The following KCNB2 variants were observed in gnomAD, a reference collection of about 807,000 sequenced individuals.
KCNB2 encodes the protein delayed rectifier potassium channel protein.
KCNB2 carries 15 observed loss-of-function variants against 61.5 expected under a neutral mutation model. The observed-to-expected ratio is 0.24, with a 90% CI of 0.16 to 0.38. The LOEUF (loss-of-function observed/expected upper bound fraction) is 0.38, where lower values mean the gene tolerates loss of function less well. KCNB2 is among the 10% of genes least tolerant of loss of function. KCNB2 has a pLI of 1.00. For missense variants in KCNB2, 828 were observed against 1,125.2 expected, an observed-to-expected ratio of 0.74 and a Z score of 3.78; for synonymous variants, 457 against 446.0, an observed-to-expected ratio of 1.02 and a Z score of -0.31.
intron 2 of KCNB2, among the ~76,000 whole-genome samples, chr8:72,730,120 G>A (rs1051368708): frequency 6.6e-6 from 1 of 152,036 alleles, no homozygotes; most frequent in Non-Finnish European, 1.5e-5. Context: ...CCCCAATTCT[G>A]TCTGCTCCTG....
At chr8:72,554,603 T>A (rs1806394961) in intron 1 of KCNB2, among the ~76,000 whole-genome samples, 3 of 152,154 alleles carry the variant, frequency 2.0e-5, no homozygotes, top group Admixed American at 2.0e-4. Context: ...CTTTAGCTAC[T>A]GGCCCTGATG....
At chr8:72,898,663 T>C (rs997957781) in intron 2 of KCNB2, among the ~76,000 whole-genome samples, 1 of 152,180 alleles carries the variant, frequency 6.6e-6, no homozygotes, top group African/African-American at 2.4e-5. Flanking sequence ...TTTTTATTTT[T>C]TAATTTCAAC....
rs140155601 is a variant in KCNB2, at chr8:72,908,031, A to G, written c.580-27904A>G. Among the ~76,000 whole-genome samples the G allele has an allele frequency of 6.6e-5, 10 of 152,242 alleles. No individual in the cohort carries two copies. The East Asian group carries it at 1.5e-3, about 24-fold the overall frequency. ...CCTGAAAATTTCAACCTTTTGAATCATATTGTATGCATAGTTTGGTTATTC... is the reference window on the plus strand; with the variant it reads ...CCTGAAAATTTCAACCTTTTGAATCGTATTGTATGCATAGTTTGGTTATTC... On this transcript the variant is annotated intron_variant, in intron 2 of 2. Coordinates refer to ENST00000523207, the MANE Select transcript of KCNB2 (RefSeq NM_004770.3).
At chr8:72,764,272 G>A (rs1204453684) in intron 2 of KCNB2, among the ~76,000 whole-genome samples, 1 of 152,204 alleles carries the variant, frequency 6.6e-6, no homozygotes, top group Non-Finnish European at 1.5e-5. Flanking sequence ...ATGGGAGAAT[G>A]TGCCACCTTT....
intron 2 of KCNB2, among the ~76,000 whole-genome samples, chr8:72,580,562 C>T (rs1468981195): frequency 6.6e-6 from 1 of 152,148 alleles, no homozygotes; most frequent in African/African-American, 2.4e-5. Context: ...TCATAAATTC[C>T]ACCCTAAATA....
At chr8:72,835,500 C>G (rs1809766409) in intron 2 of KCNB2, among the ~76,000 whole-genome samples, 1 of 152,142 alleles carries the variant, frequency 6.6e-6, no homozygotes, top group Admixed American at 6.6e-5. Context: ...TGAATCGCCT[C>G]TATCTTTTAA....
intron 2 of KCNB2, among the ~76,000 whole-genome samples, chr8:72,692,945 T>G (rs1806962194): frequency 6.6e-6 from 1 of 151,990 alleles, no homozygotes; most frequent in Non-Finnish European, 1.5e-5. Flanking sequence ...GCTGGTAACA[T>G]GAGTCTCATG....
chr8:72,842,886 G>C (rs1809917244), intron 2 of KCNB2, among the ~76,000 whole-genome samples: 1 of 152,098 alleles, frequency 6.6e-6, no homozygotes, highest in Admixed American at 6.6e-5. Flanking sequence ...CAGAAAAACA[G>C]CTCCTGGATC....
chr8:72,850,072 A>G (rs1382798197), intron 2 of KCNB2, among the ~76,000 whole-genome samples: 2 of 152,184 alleles, frequency 1.3e-5, no homozygotes, highest in Non-Finnish European at 2.9e-5. Flanking sequence ...TTGAGTGAAT[A>G]TTAAACACAA....
At chr8:72,591,146 C>G (rs1029366637) in intron 2 of KCNB2, among the ~76,000 whole-genome samples, 4 of 152,104 alleles carry the variant, frequency 2.6e-5, no homozygotes, top group African/African-American at 9.7e-5. Flanking sequence ...TCTCTTGTAA[C>G]TGTAGTACCT....
At chr8:72,682,648 C>T (rs190377888) in intron 2 of KCNB2, among the ~76,000 whole-genome samples, 7 of 151,802 alleles carry the variant, frequency 4.6e-5, no homozygotes, top group East Asian at 1.9e-4. Flanking sequence ...GGATGGAATG[C>T]GGTGGCACAA....
At chr8:72,625,056 C>T (rs541627763) in intron 2 of KCNB2, among the ~76,000 whole-genome samples, 47 of 152,314 alleles carry the variant, frequency 3.1e-4, no homozygotes, top group African/African-American at 1.1e-3. Flanking sequence ...GACCCCAGCA[C>T]CAACCAACAG....
At chr8:72,747,857 T>C (rs1431380149) in intron 2 of KCNB2, among the ~76,000 whole-genome samples, 2 of 152,220 alleles carry the variant, frequency 1.3e-5, no homozygotes, top group African/African-American at 4.8e-5. Flanking sequence ...CAAACCTAGA[T>C]GATGCACTTT....
At chr8:72,611,269 C>A (rs1257197541) in intron 2 of KCNB2, among the ~76,000 whole-genome samples, 3 of 152,030 alleles carry the variant, frequency 2.0e-5, no homozygotes, top group Non-Finnish European at 4.4e-5. Context: ...AAGATAGATA[C>A]CTGTATTAAT....
At chr8:72,546,946 T>G (rs138030906) in intron 1 of KCNB2, among the ~76,000 whole-genome samples, 2,145 of 152,352 alleles carry the variant, frequency 0.014, 43 homozygotes, top group African/African-American at 0.048. Context: ...AGTCAATGCC[T>G]GGCTTCAAAG....
At chr8:72,784,828 A>G (rs1001428526) in intron 2 of KCNB2, among the ~76,000 whole-genome samples, 59 of 152,186 alleles carry the variant, frequency 3.9e-4, no homozygotes, top group African/African-American at 1.4e-3. Context: ...ACTGAAGGCC[A>G]GGGACTATTC....
intron 2 of KCNB2, among the ~76,000 whole-genome samples, chr8:72,695,016 A>G (rs1412714047): frequency 6.6e-6 from 1 of 152,112 alleles, no homozygotes; most frequent in Non-Finnish European, 1.5e-5. Flanking sequence ...CTGAATCTTT[A>G]TAAAATTTAA....
At chr8:72,632,246 A>G (rs929633825) in intron 2 of KCNB2, among the ~76,000 whole-genome samples, 2 of 152,054 alleles carry the variant, frequency 1.3e-5, no homozygotes, top group African/African-American at 2.4e-5. Flanking sequence ...ACCCTTTCTC[A>G]AAAAAATGGG....
intron 2 of KCNB2, among the ~76,000 whole-genome samples, chr8:72,655,871 G>A (rs1011776104): frequency 6.6e-6 from 1 of 152,088 alleles, no homozygotes; most frequent in Non-Finnish European, 1.5e-5. Context: ...TGGTTGCTGG[G>A]CAGTCAGTGC....
Sources: allele counts gnomAD v4.1 joint callset (sites outside exome capture counted in the v4.1 genomes callset), GRCh38; gene constraint gnomAD v4.1.1; transcripts MANE v1.5; gene names NCBI Gene and HGNC (gene_info 2026-07-23, HGNC 2026-07-21).